The following CREG1 variants were observed in gnomAD, a reference collection of about 807,000 sequenced individuals.
CREG1 encodes protein CREG1.
In CREG1, 20 loss-of-function variants were observed where a neutral mutation model predicts 19.9. The observed-to-expected ratio is 1.01, with a 90% confidence interval of 0.71 to 1.46. The LOEUF (loss-of-function observed/expected upper bound fraction) is 1.46. CREG1 is among the 40% of genes most tolerant of loss of function. CREG1 has a pLI of 0.00. For missense variants in CREG1, 290 were observed against 314.9 expected (o/e 0.92, Z 0.60); for synonymous variants, 141 against 143.3 (o/e 0.98, Z 0.12).
intron 1 of CREG1, among the ~76,000 whole-genome samples, chr1:167,552,688 C>A (rs1350103479): frequency 6.6e-6 from 1 of 152,168 alleles, no homozygotes; most frequent in Non-Finnish European, 1.5e-5. Context: ...GAGTGAGAAA[C>A]CCTGAAGTCA....
chr1:167,542,990 A>G (rs57384155), intron 3 of CREG1, among the ~76,000 whole-genome samples: 28,620 of 152,074 alleles, frequency 0.19, 2,993 homozygotes, highest in East Asian at 0.31. Flanking sequence ...GCTCACACCT[A>G]TAATCCCAGC....
rs923990934 is a variant in CREG1 at position 167,553,476 on chromosome 1, A to T, written c.266T>A (p.Leu89His). ...AVRGRPFADV[L>H]SLSDGPPGAG... ...GCCCGGGGGCCCGTCGCTGAGCGAG[A>T]GGACGTCGGCGAAGGGCCGGCCGCG... The change falls in exon 1 of 4, where the codon CTC becomes CAC. Residue 89 changes from leucine to histidine, a missense_variant. Transcript: ENST00000370509. 6.7e-7 allele frequency: 1 copy of T among 1,486,520 alleles called. No individual in the cohort carries two copies. The highest frequency in any genetic ancestry group is 1.5e-5 in the African/African-American group (1 of 68,608). The allele number at this position is 1,486,520 out of a possible 1,614,324, so 92.1% of individuals were successfully genotyped here. A position where few individuals can be genotyped will look rare whatever the true frequency, so the allele number is the denominator to read the frequency against.
Position 167,553,353 on chromosome 1 carries a change from C to T in CREG1, c.354+35G>A. The T allele has an allele frequency of 3.0e-6, 4 of 1,334,886 alleles. No homozygotes were observed. The South Asian group carries it at 7.1e-5, about 24-fold the overall frequency. The allele number at this position is 1,334,886 out of a possible 1,614,324, so 82.7% of individuals were successfully genotyped here. A position where few individuals can be genotyped will look rare whatever the true frequency, so the allele number is the denominator to read the frequency against. The stretch of plus-strand genomic sequence containing the variant: ...GCTCGCTCTGTGGCCGCCCCGCCCA[C>T]AGCCCGCCTGGGGAAGCCGCGGGCC... On this transcript the variant is annotated intron_variant, in intron 1 of 3. Coordinates refer to ENST00000370509, the MANE Select transcript of CREG1 (RefSeq NM_003851.3).
At chr1:167,551,971 A>G (rs1252418812) in intron 1 of CREG1, among the ~76,000 whole-genome samples, 1 of 152,250 alleles carries the variant, frequency 6.6e-6, no homozygotes, top group African/African-American at 2.4e-5. Flanking sequence ...TTTTCAAGAA[A>G]AGTTAGAGAT....
chr1:167,545,467 C>T (rs1054131929), intron 3 of CREG1, among the ~76,000 whole-genome samples: 4 of 152,082 alleles, frequency 2.6e-5, no homozygotes, highest in African/African-American at 4.8e-5. Context: ...ATCACAGATA[C>T]GTTCATATCA....
intron 3 of CREG1, 71 bp downstream of exon 3, chr1:167,546,030 C>G (rs1656312867): frequency 7.4e-7 from 1 of 1,348,472 alleles, no homozygotes; most frequent in Non-Finnish European, 1.0e-6. Context: ...CGGTTAAACC[C>G]CCCTTGCCTT....
At chr1:167,547,820 C>T (rs1485516189) in intron 2 of CREG1, among the ~76,000 whole-genome samples, 182 bp downstream of exon 2, 1 of 152,090 alleles carries the variant, frequency 6.6e-6, no homozygotes, top group Non-Finnish European at 1.5e-5. Context: ...ACTAGGGAGG[C>T]TGAGGCACAA....
chr1:167,544,907 TTCCC>T lies in CREG1; in HGVS notation c.659+1190_659+1193del, dbSNP rs372368987. 9.1e-4 allele frequency among the ~76,000 whole-genome samples: 138 copies of T among 152,312 alleles called. 3 individuals are homozygous for T. The South Asian group carries it at 0.027, about 30-fold the overall frequency. On this transcript the variant is annotated intron_variant, in intron 3 of 3. Coordinates refer to ENST00000370509, the MANE Select transcript of CREG1 (RefSeq NM_003851.3). ...TATCACCTCCCCAGATATGCCAGAA[TTCCC>T]TGTGTCACCTGGGAGAAGCACCAGT...
rs61806215 is a variant in CREG1 at position 167,549,448 on chromosome 1, G to A, written c.355-1327C>T. 4.9e-4 allele frequency among the ~76,000 whole-genome samples: 74 copies of A among 151,124 alleles called. No individual in the cohort carries two copies. The East Asian group carries it at 0.011, about 23-fold the overall frequency. The stretch of plus-strand genomic sequence containing the variant: ...CACCCAGGCTGGAGTGCAGTGGTGC[G>A]ATCTCAGCTCACTGCAACCTCCAAC... On this transcript the variant is annotated intron_variant, in intron 1 of 3. Transcript: ENST00000370509.
intron 1 of CREG1, among the ~76,000 whole-genome samples, chr1:167,550,877 T>C (rs779582330): frequency 2.5e-4 from 37 of 149,838 alleles, no homozygotes; most frequent in Admixed American, 6.6e-5. Flanking sequence ...AACAAAAGAG[T>C]AGGAAACTGA....
At position 167,553,747 on chromosome 1, in the gene CREG1, T is replaced by C. The variant is rs571363025; in HGVS notation, c.-6A>G. 3.2e-5 allele frequency: 41 copies of C among 1,273,428 alleles called. No homozygotes were observed. In the South Asian group the frequency reaches 8.1e-4, roughly 25 times the overall value. The allele number at this position is 1,273,428 out of a possible 1,614,324, so 78.9% of individuals were successfully genotyped here. A position where few individuals can be genotyped will look rare whatever the true frequency, so the allele number is the denominator to read the frequency against. On this transcript the variant is annotated 5_prime_UTR_variant, in exon 1 of 4. Coordinates refer to ENST00000370509, the MANE Select transcript of CREG1 (RefSeq NM_003851.3). The stretch of plus-strand genomic sequence containing the variant: ...CCGCGGGATAGCCCGGCCATGGCGG[T>C]GTCTCCAGGAAGAGTCCCGGGCCCC...
intron 3 of CREG1, among the ~76,000 whole-genome samples, chr1:167,544,921 T>C (rs910328771): frequency 2.6e-5 from 4 of 152,210 alleles, no homozygotes; most frequent in Admixed American, 2.6e-4. Flanking sequence ...CTGTGTCACC[T>C]GGGAGAAGCA....
In CREG1 at chr1:167,553,652, C is replaced by G; in HGVS notation, c.90G>C (p.Arg30=). 1 of 1,339,208 alleles carries G rather than the reference C, an allele frequency of 7.5e-7. No individual in the cohort carries two copies. The highest frequency in any genetic ancestry group is 9.5e-7 in the Non-Finnish European group (1 of 1,050,242). The allele number at this position is 1,339,208 out of a possible 1,614,324, so 83.0% of individuals were successfully genotyped here. A position where few individuals can be genotyped will look rare whatever the true frequency, so the allele number is the denominator to read the frequency against. The change falls in exon 1 of 4, where the codon CGG becomes CGC. Residue 30 remains arginine (R), a synonymous_variant. Transcript: ENST00000370509. ...CCCCGTGGTCCCGGCCGCCGCGACCCCGCGCGGGCGACACGAGCAGCGCCA... is the reference window on the plus strand; with the variant it reads ...CCCCGTGGTCCCGGCCGCCGCGACCGCGCGCGGGCGACACGAGCAGCGCCA... ...TLLALLVSPA[R]GRGGRDHGDW...
intron 1 of CREG1, among the ~76,000 whole-genome samples, chr1:167,550,195 G>A (rs1453502232): frequency 6.6e-6 from 1 of 151,030 alleles, no homozygotes; most frequent in Non-Finnish European, 1.5e-5. Context: ...CACCATATTG[G>A]CCAGGCTGGT....
chr1:167,553,660 G>T lies in CREG1; in HGVS notation c.82C>A (p.Pro28Thr). The T allele has an allele frequency of 7.5e-7, 1 of 1,340,572 alleles. No homozygotes were observed. Among genetic ancestry groups the T allele is most frequent in the Non-Finnish European group, 9.5e-7 (1 of 1,051,754 alleles). The allele number at this position is 1,340,572 out of a possible 1,614,324, so 83.0% of individuals were successfully genotyped here. A position where few individuals can be genotyped will look rare whatever the true frequency, so the allele number is the denominator to read the frequency against. ...TCCCGGCCGCCGCGACCCCGCGCGG[G>T]CGACACGAGCAGCGCCAACAGCGTC... ...ASTLLALLVS[P>T]ARGRGGRDHG... Residue 28 changes from proline (P) to threonine (T), a missense_variant, in exon 1 of 4, where the codon CCC (proline) becomes ACC (threonine). Pro to Thr is a conservative substitution (Grantham distance 38). Coordinates refer to ENST00000370509, the MANE Select transcript of CREG1 (RefSeq NM_003851.3).
At position 167,542,139 on chromosome 1, in the gene CREG1, G is replaced by C; in HGVS notation, c.*159C>G. ...AATCCAATAACAGGTCAACTCTATTGGTAAACAAGCAAGTAAACAAGCAAG... is the reference window on the plus strand; with the variant it reads ...AATCCAATAACAGGTCAACTCTATTCGTAAACAAGCAAGTAAACAAGCAAG... On this transcript the variant is annotated 3_prime_UTR_variant, in exon 4 of 4. Transcript: ENST00000370509. The C allele has an allele frequency of 1.7e-6, 1 of 589,530 alleles. No homozygotes were observed. The highest frequency in any genetic ancestry group is 2.8e-6 in the Non-Finnish European group (1 of 352,604). 36.5% of individuals were successfully genotyped at this position (589,530 alleles called of 1,614,324 possible). A position where few individuals can be genotyped will look rare whatever the true frequency, so the allele number is the denominator to read the frequency against.
At position 167,553,748 on chromosome 1, in the gene CREG1, G is replaced by A. The variant is rs1219571978; in HGVS notation, c.-7C>T. The A allele has an allele frequency of 5.5e-6, 7 of 1,272,130 alleles. No homozygotes were observed. The highest frequency in any genetic ancestry group is 4.2e-5 in the Admixed American group (1 of 23,760). 78.8% of individuals were successfully genotyped at this position (1,272,130 alleles called of 1,614,324 possible). On this transcript the variant is annotated 5_prime_UTR_variant, in exon 1 of 4. Transcript: ENST00000370509. ...CGCGGGATAGCCCGGCCATGGCGGT[G>A]TCTCCAGGAAGAGTCCCGGGCCCCA...
rs375517047 is a variant in CREG1, at chr1:167,548,156, A to C, written c.355-35T>G. The stretch of plus-strand genomic sequence containing the variant: ...GAAAATGAAGATCCTCTCATGTGAA[A>C]TATGGTTTCTGGAGAGGTAATAAAT... On this transcript the variant is annotated intron_variant, in intron 1 of 3. Coordinates refer to ENST00000370509, the MANE Select transcript of CREG1 (RefSeq NM_003851.3). 87 of 1,563,922 alleles carry C rather than the reference A, an allele frequency of 5.6e-5. No individual in the cohort carries two copies. In the East Asian group the frequency reaches 2.0e-3, roughly 35 times the overall value.
chr1:167,553,397 G>A lies in CREG1; in HGVS notation c.345C>T (p.Ser115=). The A allele has an allele frequency of 7.0e-7, 1 of 1,428,036 alleles. No individual in the cohort carries two copies. Among genetic ancestry groups the A allele is most frequent in the Non-Finnish European group, 9.1e-7 (1 of 1,094,442 alleles). The allele number at this position is 1,428,036 out of a possible 1,614,324, so 88.5% of individuals were successfully genotyped here. The part of the protein sequence containing the change: ...FYLSPLQLSV[S]NLQENPYATL... The stretch of plus-strand genomic sequence containing the variant: ...GCGGGCCCCAGCTCACCTGCAGGTT[G>A]CTCACGGAGAGCTGCAGCGGGCTCA... The change falls in exon 1 of 4, where the codon AGC becomes AGT. Residue 115 remains serine (S), a synonymous_variant. Coordinates refer to ENST00000370509, the MANE Select transcript of CREG1 (RefSeq NM_003851.3).
Sources: gnomAD v4.1 joint callset for allele counts (sites outside exome capture counted in the v4.1 genomes callset) on GRCh38, gnomAD v4.1.1 for gene constraint, MANE v1.5 for transcripts, NCBI Gene and HGNC (gene_info 2026-07-23, HGNC 2026-07-21) for gene names.